CFAP69: variants seen among roughly 807,000 people sequenced by gnomAD.
The protein encoded by CFAP69 is cilia and flagella associated protein 69.
Under a neutral mutation model 123.0 loss-of-function variants are expected in CFAP69, and 92 were observed. The observed-to-expected ratio is 0.75, with a 90% CI of 0.63 to 0.89. The LOEUF (loss-of-function observed/expected upper bound fraction) is 0.89, where lower values mean the gene tolerates loss of function less well. Ranked by LOEUF, CFAP69 falls within the 40% of genes least tolerant of loss-of-function variation. CFAP69 has a pLI of 0.00. For missense variants in CFAP69, 1,067 were observed against 1,096.9 expected, an observed-to-expected ratio of 0.97 and a Z score of 0.39; for synonymous variants, 380 against 364.3, an observed-to-expected ratio of 1.04 and a Z score of -0.49.
At position 90,283,069 on chromosome 7, in the gene CFAP69, A is replaced by C; in HGVS notation, c.1537+13A>C. 1 of 1,492,156 alleles carries C rather than the reference A, an allele frequency of 6.7e-7. No individual in the cohort carries two copies. The highest frequency in any genetic ancestry group is 8.9e-7 in the Non-Finnish European group (1 of 1,118,610). 92.4% of individuals were successfully genotyped at this position (1,492,156 alleles called of 1,614,324 possible). On this transcript the variant is annotated intron_variant, in intron 13 of 22. Coordinates refer to ENST00000389297, the MANE Select transcript of CFAP69 (RefSeq NM_001039706.3). ...CAGCAAATGATAGGTAAAATATAAC[A>C]TGGTGGTTTACTGATGAAAGAGGAA...
chr7:90,252,301 T>C (rs1797123074), intron 1 of CFAP69, among the ~76,000 whole-genome samples: 1 of 152,182 alleles, frequency 6.6e-6, no homozygotes, highest in African/African-American at 2.4e-5. Context: ...ACAGTAATAT[T>C]TAACAATTTT....
intron 1 of CFAP69, among the ~76,000 whole-genome samples, chr7:90,254,795 G>T (rs913863215): frequency 2.0e-5 from 3 of 152,182 alleles, no homozygotes; most frequent in Non-Finnish European, 4.4e-5. Flanking sequence ...TCAGATTTCA[G>T]TTTTATTGTT....
chr7:90,309,992 T>A, intron 22 of CFAP69, 76 bp from the exon 23 acceptor site: 1 of 1,219,306 alleles, frequency 8.2e-7, no homozygotes. Flanking sequence ...AAAAGTAAGC[T>A]GAAGGATGAA....
intron 17 of CFAP69, chr7:90,302,677 CTG>C (rs1792992305): frequency 6.6e-6 from 1 of 152,078 alleles, no homozygotes; most frequent in Admixed American, 6.6e-5. Context: ...TTATATTGAA[CTG>C]TGTCTGTTTT....
intron 14 of CFAP69, among the ~76,000 whole-genome samples, chr7:90,287,975 C>CA (rs557048180): frequency 7.4e-4 from 112 of 151,816 alleles, no homozygotes; most frequent in African/African-American, 2.5e-3. Flanking sequence ...GGGAATAAAA[C>CA]AAAAAATATC....
At chr7:90,272,075 T>C (rs965896131) in intron 8 of CFAP69, 117 bp downstream of exon 8, 1 of 960,816 alleles carries the variant, frequency 1.0e-6, no homozygotes, top group African/African-American at 1.7e-5. Flanking sequence ...ATGTAATGGC[T>C]ATGTTTCAGG....
At chr7:90,292,598 G>T (rs867203050) in intron 15 of CFAP69, among the ~76,000 whole-genome samples, 1 of 152,170 alleles carries the variant, frequency 6.6e-6, no homozygotes, top group African/African-American at 2.4e-5. Flanking sequence ...AAATTCTGGA[G>T]AAATTGGGTA....
chr7:90,253,594 G>A (rs1241323973), intron 1 of CFAP69, among the ~76,000 whole-genome samples: 1 of 152,088 alleles, frequency 6.6e-6, no homozygotes, highest in African/African-American at 2.4e-5. Flanking sequence ...GTTTCATCAT[G>A]TTTGCTAGGC....
At chr7:90,251,355 GA>G (rs1796983921) in intron 1 of CFAP69, among the ~76,000 whole-genome samples, 1 of 152,146 alleles carries the variant, frequency 6.6e-6, no homozygotes, top group African/African-American at 2.4e-5. Context: ...TATCCTCTGT[GA>G]TTGACTTGGA....
At chr7:90,249,430 T>C (rs1796704902) in intron 1 of CFAP69, among the ~76,000 whole-genome samples, 2 of 152,290 alleles carry the variant, frequency 1.3e-5, no homozygotes, top group Admixed American at 6.5e-5. Flanking sequence ...AACAGACTAA[T>C]ACACTGGGTA....
chr7:90,283,924 C>CA (rs1035871979), intron 13 of CFAP69, among the ~76,000 whole-genome samples: 17 of 152,122 alleles, frequency 1.1e-4, no homozygotes, highest in African/African-American at 3.9e-4. Context: ...AGCAGGAAAT[C>CA]AAAGTATATT....
intron 9 of CFAP69, 25 bp downstream of exon 9, chr7:90,274,135 AT>A: frequency 6.3e-7 from 1 of 1,586,432 alleles, no homozygotes; most frequent in Non-Finnish European, 8.5e-7. Context: ...AATTGCATTA[AT>A]TTTAATTGTG....
chr7:90,260,423 G>A (rs1798167947), intron 3 of CFAP69, among the ~76,000 whole-genome samples: 1 of 152,094 alleles, frequency 6.6e-6, no homozygotes, highest in African/African-American at 2.4e-5. Flanking sequence ...CAGAGGCTGA[G>A]GCTGAGGTGG....
chr7:90,308,732 C>G (rs1403621492), intron 21 of CFAP69, among the ~76,000 whole-genome samples: 2 of 152,140 alleles, frequency 1.3e-5, no homozygotes, highest in African/African-American at 4.8e-5. Context: ...TAATGAAAAT[C>G]AGCTCCTTTC....
chr7:90,255,499 A>T lies in CFAP69; in HGVS notation c.180+17A>T. The T allele has an allele frequency of 6.3e-7, 1 of 1,585,032 alleles. No individual in the cohort carries two copies. The highest frequency in any genetic ancestry group is 2.2e-5 in the East Asian group (1 of 44,616). ...ACTGATAAAGTGAGTAAGCTTTGAG[A>T]GAAAATTACTCCGCTGCATTACTTA... On this transcript the variant is annotated intron_variant, in intron 2 of 22. Coordinates refer to ENST00000389297, the MANE Select transcript of CFAP69 (RefSeq NM_001039706.3).
At position 90,280,005 on chromosome 7, in the gene CFAP69, AAC is replaced by A. The variant is rs559127467; in HGVS notation, c.1372+118_1372+119del. On this transcript the variant is annotated intron_variant, in intron 12 of 22. Transcript: ENST00000389297. ...GTTAATTAAAGCAATGAGAAGTAAA[AAC>A]ACACAGACCTATCTTCTTAATGTAT... 617 of 764,364 alleles carry A rather than the reference AAC, an allele frequency of 8.1e-4. 1 individual carries two copies. In the African/African-American group the frequency reaches 9.7e-3, roughly 12 times the overall value. 47.3% of individuals were successfully genotyped at this position (764,364 alleles called of 1,614,324 possible).
intron 16 of CFAP69, 106 bp downstream of exon 16, chr7:90,297,936 AAATC>A: frequency 1.4e-6 from 1 of 727,632 alleles, no homozygotes; most frequent in Non-Finnish European, 2.3e-6. Flanking sequence ...AATGTGCCCC[AAATC>A]ATGTTCAAAG....
intron 6 of CFAP69, chr7:90,270,266 A>T (rs1420416979): frequency 6.6e-6 from 1 of 152,154 alleles, no homozygotes; most frequent in Non-Finnish European, 1.5e-5. Flanking sequence ...AAGATACAGT[A>T]AGTATAAAGT....
At chr7:90,257,306 A>G (rs1797773900) in intron 2 of CFAP69, among the ~76,000 whole-genome samples, 1 of 152,152 alleles carries the variant, frequency 6.6e-6, no homozygotes, top group African/African-American at 2.4e-5. Flanking sequence ...ATAATAGTTT[A>G]TTTTTGATAC....
Sources: gnomAD v4.1 joint callset for allele counts (sites outside exome capture counted in the v4.1 genomes callset) on GRCh38, gnomAD v4.1.1 for gene constraint, MANE v1.5 for transcripts, NCBI Gene and HGNC (gene_info 2026-07-23, HGNC 2026-07-21) for gene names.